The following ZFAT variants were observed in gnomAD, a reference collection of about 807,000 sequenced individuals.
ZFAT encodes zinc finger protein ZFAT.
In ZFAT, 64 loss-of-function variants were observed where a neutral mutation model predicts 117.7. The ratio of observed to expected loss-of-function variants is 0.54; its 90% CI spans 0.44 to 0.67. ZFAT has a LOEUF of 0.67. Ranked by LOEUF, ZFAT falls within the 30% of genes least tolerant of loss-of-function variation. The pLI is 0.00. For missense variants in ZFAT, 1,433 were observed against 1,584.5 expected (o/e 0.90, Z 1.62); for synonymous variants, 679 against 615.0 (o/e 1.10, Z -1.54).
intron 3 of ZFAT, among the ~76,000 whole-genome samples, chr8:134,615,956 C>A (rs1037334885): frequency 1.3e-5 from 2 of 152,222 alleles, no homozygotes; most frequent in African/African-American, 4.8e-5. Context: ...AACACGCATG[C>A]TCGCTCAGAG....
At chr8:134,624,959 T>C (rs1298458471) in intron 3 of ZFAT, among the ~76,000 whole-genome samples, 1 of 151,976 alleles carries the variant, frequency 6.6e-6, no homozygotes, top group East Asian at 1.9e-4. Flanking sequence ...GAGTAAAGTG[T>C]TATCAGCCAC....
intron 1 of ZFAT, among the ~76,000 whole-genome samples, chr8:134,689,149 G>A (rs982477155): frequency 2.2e-4 from 33 of 152,196 alleles, no homozygotes; most frequent in Admixed American, 2.0e-3. Context: ...CCACCAGAGC[G>A]TAACAGTTTA....
At chr8:134,624,033 G>A (rs1829313522) in intron 3 of ZFAT, among the ~76,000 whole-genome samples, 3 of 152,124 alleles carry the variant, frequency 2.0e-5, no homozygotes, top group Admixed American at 2.0e-4. Context: ...CTCCATTCAT[G>A]CGACATCCTG....
chr8:134,693,835 G>A (rs2131337347), intron 1 of ZFAT, among the ~76,000 whole-genome samples: 2 of 152,272 alleles, frequency 1.3e-5, no homozygotes, highest in African/African-American at 4.8e-5. Context: ...TCATTACAAA[G>A]GGGAAATACA....
At chr8:134,656,539 T>C (rs1469051716) in intron 2 of ZFAT, among the ~76,000 whole-genome samples, 2 of 152,260 alleles carry the variant, frequency 1.3e-5, no homozygotes, top group Non-Finnish European at 2.9e-5. Flanking sequence ...CTGTCAGGCA[T>C]GTTTCTCTGA....
At chr8:134,496,024 A>G (rs904850184) in intron 15 of ZFAT, among the ~76,000 whole-genome samples, 4 of 152,186 alleles carry the variant, frequency 2.6e-5, no homozygotes, top group Non-Finnish European at 5.9e-5. Context: ...CACCTGCTAA[A>G]TGGAAGCGAC....
chr8:134,825,527 C>T, the ZFAT span, among the ~76,000 whole-genome samples: 1 of 152,168 alleles, frequency 6.6e-6, no homozygotes, highest in Non-Finnish European at 1.5e-5. Flanking sequence ...TTTACTCCAT[C>T]AGATAAAACA....
At chr8:134,742,579 C>G in the ZFAT span, among the ~76,000 whole-genome samples, 3 of 152,218 alleles carry the variant, frequency 2.0e-5, no homozygotes, top group Non-Finnish European at 2.9e-5. Flanking sequence ...TTCCCAGGAC[C>G]TGGCTCCCAC....
intron 10 of ZFAT, among the ~76,000 whole-genome samples, chr8:134,578,521 G>A (rs1323032367): frequency 6.6e-6 from 1 of 152,014 alleles, no homozygotes. Context: ...AGGTCATGGT[G>A]AGGAATTGGG....
intron 14 of ZFAT, chr8:134,510,590 T>C: frequency 1.2e-5 from 2 of 164,104 alleles, no homozygotes; most frequent in Admixed American, 5.9e-5. Context: ...CGGACTTATA[T>C]TCACAATGCA....
At chr8:134,722,823 A>T in the ZFAT span, 1 of 152,234 alleles carries the variant, frequency 6.6e-6, no homozygotes, top group Non-Finnish European at 1.5e-5. Flanking sequence ...CTGACCCCCA[A>T]TACTTCCAAA....
At chr8:134,560,343 TAAC>T (rs1823960438) in intron 11 of ZFAT, among the ~76,000 whole-genome samples, 1 of 152,166 alleles carries the variant, frequency 6.6e-6, no homozygotes, top group Admixed American at 6.5e-5. Context: ...ACTCAACATA[TAAC>T]AACTTTCAAA....
chr8:134,688,533 A>G (rs1469788010), intron 1 of ZFAT, among the ~76,000 whole-genome samples: 1 of 152,204 alleles, frequency 6.6e-6, no homozygotes, highest in Non-Finnish European at 1.5e-5. Context: ...AGCCACGAGA[A>G]AGGGGAGAAG....
the ZFAT span, among the ~76,000 whole-genome samples, chr8:134,732,052 C>G: frequency 6.6e-6 from 1 of 152,236 alleles, no homozygotes; most frequent in Admixed American, 6.5e-5. Flanking sequence ...ACCCCAGGCT[C>G]TTAGGTTTCC....
At chr8:134,574,147 A>G (rs1030150473) in intron 10 of ZFAT, among the ~76,000 whole-genome samples, 3 of 152,156 alleles carry the variant, frequency 2.0e-5, no homozygotes, top group East Asian at 1.9e-4. Flanking sequence ...GGGGATGTCA[A>G]TGTGGTAGGT....
chr8:134,631,226 T>C (rs1829869444), intron 3 of ZFAT, among the ~76,000 whole-genome samples: 1 of 152,350 alleles, frequency 6.6e-6, no homozygotes, highest in African/African-American at 2.4e-5. Flanking sequence ...CTGTCTGCCA[T>C]TGCTGAAGAG....
intron 1 of ZFAT, among the ~76,000 whole-genome samples, chr8:134,711,428 G>C (rs931904749): frequency 6.6e-6 from 1 of 152,138 alleles, no homozygotes; most frequent in African/African-American, 2.4e-5. Flanking sequence ...AAGTCTCTCC[G>C]GTGCTCATTT....
chr8:134,730,154 G>A, the ZFAT span, among the ~76,000 whole-genome samples: 1 of 152,166 alleles, frequency 6.6e-6, no homozygotes, highest in Non-Finnish European at 1.5e-5. Context: ...TTGCTACAAA[G>A]GAAGTTCTGG....
chr8:134,734,169 A>G, the ZFAT span, among the ~76,000 whole-genome samples: 2 of 152,178 alleles, frequency 1.3e-5, no homozygotes, highest in Non-Finnish European at 2.9e-5. Flanking sequence ...TGCTTCTGCC[A>G]CTTCAGGCTG....
Sources: gnomAD v4.1 joint callset for allele counts (sites outside exome capture counted in the v4.1 genomes callset) on GRCh38, gnomAD v4.1.1 for gene constraint, MANE v1.5 for transcripts, NCBI Gene and HGNC (gene_info 2026-07-23, HGNC 2026-07-21) for gene names.